IRF7: variants seen among roughly 807,000 people sequenced by gnomAD.
IRF7 encodes interferon regulatory factor 7.
Under a neutral mutation model 51.3 loss-of-function variants are expected in IRF7, and 67 were observed. The observed-to-expected ratio is 1.31, with a 90% confidence interval of 1.07 to 1.60. The LOEUF is 1.60. Among genes scored for constraint, IRF7 ranks in the 40% most tolerant of loss-of-function variants. IRF7 has a pLI of 0.00. For synonymous variants in IRF7, 427 were observed against 301.3 expected, an observed-to-expected ratio of 1.42 and a Z score of -4.32; for missense variants, 873 against 701.5, an observed-to-expected ratio of 1.24 and a Z score of -2.76.
rs1242541085 is a variant in IRF7 at position 613,403 on chromosome 11, T to C, written c.1040A>G (p.Glu347Gly). 6.3e-7 allele frequency: 1 copy of C among 1,592,242 alleles called. No individual in the cohort carries two copies. Among genetic ancestry groups the C allele is most frequent in the South Asian group, 1.1e-5 (1 of 88,168 alleles). The change falls in exon 9 of 11, where the codon GAG becomes GGG. Residue 347 changes from glutamate to glycine, a missense_variant. Coordinates refer to ENST00000525445, the MANE Select transcript of IRF7 (RefSeq NM_001572.5). ...AGGGGCCACGTGCCGCAGCAGTTCCTCCGTGTAGCGCAGCTGCTTCTGGTC... is the reference window on the plus strand; with the variant it reads ...AGGGGCCACGTGCCGCAGCAGTTCCCCCGTGTAGCGCAGCTGCTTCTGGTC... ...LPDQKQLRYT[E>G]ELLRHVAPGL...
chr11:615,199 A>G lies in IRF7; in HGVS notation c.81T>C (p.Tyr27=). 2 of 1,602,156 alleles carry G rather than the reference A, an allele frequency of 1.2e-6. No individual in the cohort carries two copies. Among genetic ancestry groups the G allele is most frequent in the Non-Finnish European group, 1.7e-6 (2 of 1,177,960 alleles). The change falls in exon 3 of 11, where the codon TAT becomes TAC. Residue 27 remains tyrosine, a synonymous_variant. Coordinates refer to ENST00000525445, the MANE Select transcript of IRF7 (RefSeq NM_001572.5). ...WLLGEISSGC[Y]EGLQWLDEAR... ...CCTCGTCCAGCCACTGCAGCCCCTC[A>G]TAGCAGCCGCTGCTGATCTCTCCAA...
rs767736050 is a variant in IRF7 at position 613,289 on chromosome 11, C to G, written c.1154G>C (p.Gly385Ala). The G allele has an allele frequency of 2.5e-6, 4 of 1,609,210 alleles. No individual in the cohort carries two copies. The highest frequency in any genetic ancestry group is 1.1e-5 in the South Asian group (1 of 90,736). ...KVYWEVGGPP[G>A]SASPSTPACL... ...GGCTGGGGTGGAGGGGCTGGCGGAG[C>G]CTGGGGGTCCGCCCACCTCCCAGTA... is the stretch of plus-strand genomic sequence containing the variant. The change falls in exon 9 of 11, where the codon GGC becomes GCC. Residue 385 changes from glycine (G) to alanine (A), a missense_variant. Gly to Ala is a moderately conservative substitution (Grantham distance 60, BLOSUM62 0). Transcript: ENST00000525445.
chr11:613,056 G>A lies in IRF7; in HGVS notation c.1299C>T (p.Gly433=), dbSNP rs1471300511. The change falls in exon 10 of 11, where the codon GGC becomes GGT. Residue 433 remains glycine (G), a synonymous_variant. Coordinates refer to ENST00000525445, the MANE Select transcript of IRF7 (RefSeq NM_001572.5). The part of the protein sequence containing the change: ...RGSPRYTIYL[G]FGQDLSAGRP... ...TCCCAGCTGACAGGTCCTGCCCGAA[G>A]CCCAGGTAGATGGTATAGCGTGGGG... The A allele has an allele frequency of 6.2e-7, 1 of 1,612,990 alleles. No homozygotes were observed. Among genetic ancestry groups the A allele is most frequent in the African/African-American group, 1.3e-5 (1 of 74,932 alleles).
rs761513714 is a variant in IRF7, at chr11:615,087, G to T, written c.183+10C>A. The T allele has an allele frequency of 5.7e-6, 9 of 1,576,356 alleles. No homozygotes were observed. In the East Asian group the frequency reaches 2.1e-4, roughly 36 times the overall value. ...TCCCACCCGGGGCGGGGCGGGGCTGGGGTCCCCACCTTGAAGATGCGCGCG... is the reference window on the plus strand; with the variant it reads ...TCCCACCCGGGGCGGGGCGGGGCTGTGGTCCCCACCTTGAAGATGCGCGCG... On this transcript the variant is annotated intron_variant, in intron 3 of 10. Coordinates refer to ENST00000525445, the MANE Select transcript of IRF7 (RefSeq NM_001572.5).
Position 612,719 on chromosome 11 carries a change from G to A in IRF7, c.1438C>T (p.Leu480Phe). 1 of 1,612,844 alleles carries A rather than the reference G, an allele frequency of 6.2e-7. No individual in the cohort carries two copies. Among genetic ancestry groups the A allele is most frequent in the East Asian group, 2.2e-5 (1 of 44,884 alleles). ...AGGCTGTTGGCGCTGGACAGGCAGA[G>A]GCTGAGGCTGCTGCTATCCAGGGAA... Reference protein sequence around the residue: ...VSSLDSSSLSLCLSSANSLYD... With the variant: ...VSSLDSSSLSFCLSSANSLYD... The change falls in exon 11 of 11, where the codon CTC becomes TTC. Residue 480 changes from leucine (L) to phenylalanine (F), a missense_variant. Leu to Phe is a conservative substitution (Grantham distance 22). Transcript: ENST00000525445.
Position 613,803 on chromosome 11 carries a change from C to A in IRF7, c.829G>T (p.Ala277Ser). Reference sequence around the variant, plus strand: ...CACTCACCTTGCACCGCGGTGCAGGCGCTTGGGGAGGGTGACAGGTACGGC... The same window carrying A: ...CACTCACCTTGCACCGCGGTGCAGGAGCTTGGGGAGGGTGACAGGTACGGC... The part of the protein sequence containing the change: ...AEPYLSPSPS[A>S]CTAVQEPSPG... Residue 277 changes from alanine to serine, a missense_variant, in exon 8 of 11, where the codon GCC becomes TCC. Coordinates refer to ENST00000525445, the MANE Select transcript of IRF7 (RefSeq NM_001572.5). 2.5e-6 allele frequency: 4 copies of A among 1,573,082 alleles called. No individual in the cohort carries two copies. Among genetic ancestry groups the A allele is most frequent in the Admixed American group, 2.0e-5 (1 of 49,044 alleles).
At chr11:614,665 T>C (rs1353626519) in intron 4 of IRF7, 131 bp from the exon 5 acceptor site, 1 of 1,387,232 alleles carries the variant, frequency 7.2e-7, no homozygotes. Context: ...GGGATGTGGC[T>C]CTCCACCTGT....
chr11:615,058 G>A (rs1289894822), intron 3 of IRF7, 39 bp downstream of exon 3: 3 of 1,559,864 alleles, frequency 1.9e-6, no homozygotes, highest in Non-Finnish European at 8.6e-7. Flanking sequence ...TCCTAGGCGG[G>A]CTCTCCCACC....
At chr11:612,976 C>T (rs1398922762) in intron 10 of IRF7, 23 bp downstream of exon 10, 3 of 1,609,104 alleles carry the variant, frequency 1.9e-6, no homozygotes, top group Admixed American at 1.7e-5. Flanking sequence ...CATGGCCTCC[C>T]CTCCTTGAGG....
chr11:614,681 G>T, intron 4 of IRF7, 116 bp downstream of exon 4: 1 of 1,389,418 alleles, frequency 7.2e-7, no homozygotes, highest in Non-Finnish European at 9.7e-7. Context: ...CCTGTCCTGG[G>T]CCTGCTGGCA....
chr11:615,067 C>A (rs781267861), intron 3 of IRF7, 30 bp downstream of exon 3: 13 of 1,563,770 alleles, frequency 8.3e-6, no homozygotes, highest in Non-Finnish European at 1.0e-5. Flanking sequence ...GGCTCTCCCA[C>A]CCGGGGCGGG....
rs11246213 is a variant in IRF7 at position 612,967 on chromosome 11, A to G, written c.1356+32T>C. ...GGCGTCTGTCAGTGGGCCTGAGCAC[A>G]TGGCCTCCCCTCCTTGAGGCTCTGG... On this transcript the variant is annotated intron_variant, in intron 10 of 10. Transcript: ENST00000525445. 0.27 allele frequency: 434,640 copies of G among 1,605,328 alleles called. 64,206 individuals carry two copies. The highest frequency in any genetic ancestry group is 0.52 in the African/African-American group (38,879 of 74,742).
At chr11:613,143 C>T (rs746276782) in intron 9 of IRF7, 26 bp from the exon 10 acceptor site, 3 of 1,608,560 alleles carry the variant, frequency 1.9e-6, no homozygotes, top group Non-Finnish European at 2.5e-6. Context: ...CTGCTGAGTA[C>T]CTGGCAGGCA....
chr11:615,031 G>A, intron 3 of IRF7, 24 bp from the exon 4 acceptor site: 1 of 1,546,352 alleles, frequency 6.5e-7, no homozygotes. Flanking sequence ...CAGAACACGT[G>A]TGCCGGGCCC....
rs375149504 is a variant in IRF7, at chr11:614,157, C to T, written c.679+17G>A. 6.8e-6 allele frequency: 11 copies of T among 1,608,070 alleles called. No homozygotes were observed. In the African/African-American group the frequency reaches 1.1e-4, roughly 16 times the overall value. ...TGGCCCCTCCCGCGCTCCCCCCCTC[C>T]CCGGGCACGCCCACACCTCCAGCAC... On this transcript the variant is annotated intron_variant, in intron 6 of 10. Transcript: ENST00000525445.
Position 614,465 on chromosome 11 carries a change from G to A in IRF7, c.453+11C>T. ...CCTGGCAGGAGGAGAGGCAGGCAGA[G>A]AGAAGGGTACCTGTGGTGGTGGGAC... is the stretch of plus-strand genomic sequence containing the variant. On this transcript the variant is annotated intron_variant, in intron 5 of 10. Transcript: ENST00000525445. 2 of 1,569,176 alleles carry A rather than the reference G, an allele frequency of 1.3e-6. No homozygotes were observed. Among genetic ancestry groups the A allele is most frequent in the South Asian group, 2.3e-5 (2 of 85,828 alleles).
At chr11:612,911 C>T (rs1856519636) in intron 10 of IRF7, 88 bp downstream of exon 10, 2 of 1,585,540 alleles carry the variant, frequency 1.3e-6, no homozygotes, top group South Asian at 1.1e-5. Context: ...TATGGCCTCC[C>T]CTCCCCCTCT....
At position 612,730 on chromosome 11, in the gene IRF7, C is replaced by T; in HGVS notation, c.1427G>A (p.Ser476Asn). The stretch of plus-strand genomic sequence containing the variant: ...GCTGGACAGGCAGAGGCTGAGGCTG[C>T]TGCTATCCAGGGAAGACACACCCTC... The part of the protein sequence containing the change: ...QREGVSSLDS[S>N]SLSLCLSSAN... Residue 476 changes from serine (S) to asparagine (N), a missense_variant, in exon 11 of 11, where the codon AGC (serine) becomes AAC (asparagine). Transcript: ENST00000525445. 6.2e-7 allele frequency: 1 copy of T among 1,612,752 alleles called. No homozygotes were observed. The highest frequency in any genetic ancestry group is 8.5e-7 in the Non-Finnish European group (1 of 1,179,994).
In IRF7 at chr11:614,531, C is replaced by T. The variant is rs760842338; in HGVS notation, c.398G>A (p.Gly133Asp). Reference sequence around the variant, plus strand: ...TGCCTCAGTCTGGTCCGTGCCTGGGCCTTCTGAGAGAGAATGGGGCAGGCG... The same window carrying T: ...TGCCTCAGTCTGGTCCGTGCCTGGGTCTTCTGAGAGAGAATGGGGCAGGCG... ...ALSRELCWREGPGTDQTEAEA... is the reference protein window; with the variant it reads ...ALSRELCWREDPGTDQTEAEA... The change falls in exon 5 of 11, where the codon GGC (glycine) becomes GAC (aspartate). Residue 133 changes from glycine (G) to aspartate (D), a missense_variant. Physicochemically the swap from Gly to Asp is moderately conservative, Grantham distance 94. Coordinates refer to ENST00000525445, the MANE Select transcript of IRF7 (RefSeq NM_001572.5). The T allele has an allele frequency of 2.8e-5, 43 of 1,553,146 alleles. No homozygotes were observed. The highest frequency in any genetic ancestry group is 7.3e-5 in the East Asian group (3 of 41,218).
Sources: allele counts gnomAD v4.1 joint callset, GRCh38; gene constraint gnomAD v4.1.1; transcripts MANE v1.5; gene names NCBI Gene and HGNC (gene_info 2026-07-23, HGNC 2026-07-21).